Variants in LSM14A observed in about 807,000 individuals in gnomAD.
The protein encoded by LSM14A is LSM14A mRNA processing body assembly factor, also known as protein LSM14 homolog A.
A neutral mutation model predicts 52.4 loss-of-function variants in LSM14A; 14 were observed. The observed-to-expected ratio is 0.27, with a 90% CI of 0.18 to 0.42. The LOEUF (loss-of-function observed/expected upper bound fraction) is 0.42. Ranked by LOEUF, LSM14A falls within the 10% of genes least tolerant of loss-of-function variation. LSM14A has a pLI of 1.00. For synonymous variants in LSM14A, 185 were observed against 200.3 expected (o/e 0.92, Z 0.64); for missense variants, 417 against 581.8 (o/e 0.72, Z 2.91).
intron 3 of LSM14A, among the ~76,000 whole-genome samples, chr19:34,200,995 A>ATATAG (rs1411308254): frequency 2.6e-5 from 4 of 152,356 alleles, no homozygotes; most frequent in African/African-American, 9.6e-5. Context: ...CGTAGTATCT[A>ATATAG]TATAGTAACT....
chr19:34,172,587 A>G lies in LSM14A; in HGVS notation c.-56A>G. ...AGCGAGCGGGCGTGCGGAGCGGGCG[A>G]CAGTGGCGTGGGATCTGCCTCTCTG... On this transcript the variant is annotated 5_prime_UTR_variant, in exon 1 of 10. Transcript: ENST00000544216. 1.3e-6 allele frequency: 2 copies of G among 1,495,980 alleles called. No individual in the cohort carries two copies. The highest frequency in any genetic ancestry group is 2.5e-5 in the South Asian group (2 of 78,570). 92.7% of individuals were successfully genotyped at this position (1,495,980 alleles called of 1,614,324 possible).
At position 34,198,611 on chromosome 19, in the gene LSM14A, C is replaced by T. The variant is rs115183500; in HGVS notation, c.415+1848C>T. 6.0e-3 allele frequency among the ~76,000 whole-genome samples: 913 copies of T among 151,882 alleles called. 15 individuals carry two copies. The highest frequency in any genetic ancestry group is 0.021 in the African/African-American group (873 of 41,446). On this transcript the variant is annotated intron_variant, in intron 3 of 9. Transcript: ENST00000544216. Reference sequence around the variant, plus strand: ...AGTCTAGGCCACAACAGCAAAACTCCGTCTAAAAATAAATAAATAAATAAA... The same window carrying T: ...AGTCTAGGCCACAACAGCAAAACTCTGTCTAAAAATAAATAAATAAATAAA...
At chr19:34,178,384 A>G (rs1366343743) in intron 1 of LSM14A, among the ~76,000 whole-genome samples, 1 of 152,194 alleles carries the variant, frequency 6.6e-6, no homozygotes, top group African/African-American at 2.4e-5. Flanking sequence ...ACCTAAGCAT[A>G]TGTCAAGAAG....
intron 1 of LSM14A, among the ~76,000 whole-genome samples, chr19:34,176,097 A>C (rs1048850463): frequency 1.3e-5 from 2 of 151,992 alleles, no homozygotes; most frequent in Non-Finnish European, 2.9e-5. Flanking sequence ...TGATCCACCC[A>C]CCTTGGCCTC....
intron 1 of LSM14A, among the ~76,000 whole-genome samples, chr19:34,184,598 T>C (rs2069748884): frequency 6.6e-6 from 1 of 152,172 alleles, no homozygotes; most frequent in Non-Finnish European, 1.5e-5. Context: ...AGAGGGTTCA[T>C]AGATGTCTTT....
Position 34,215,583 on chromosome 19 carries a change from T to C in LSM14A, c.716-13T>C. ...CTGAGTTGATTTGGCACTTTGCATG[T>C]CTTCTTCTGTAGCTGAAGTACACAA... On this transcript the variant is annotated splice_polypyrimidine_tract_variant and intron_variant, in intron 5 of 9. Coordinates refer to ENST00000544216, the MANE Select transcript of LSM14A (RefSeq NM_015578.4). 6.2e-7 allele frequency: 1 copy of C among 1,606,654 alleles called. No homozygotes were observed. The highest frequency in any genetic ancestry group is 8.5e-7 in the Non-Finnish European group (1 of 1,173,628).
chr19:34,212,132 T>C (rs2072209085), intron 4 of LSM14A, among the ~76,000 whole-genome samples: 1 of 152,128 alleles, frequency 6.6e-6, no homozygotes, highest in South Asian at 2.1e-4. Context: ...AGCCAGGGAT[T>C]TGAGACTAGC....
rs531343486 is a variant in LSM14A at position 34,197,431 on chromosome 19, C to CT, written c.415+691dup. Among the ~76,000 whole-genome samples, 490 of 63,280 alleles carry CT rather than the reference C, an allele frequency of 7.7e-3. 14 individuals are homozygous for CT. The highest frequency in any genetic ancestry group is 0.032 in the Admixed American group (140 of 4,336). The allele number at this position is 63,280 out of a possible 152,430, so 41.5% of individuals were successfully genotyped here. Reference sequence around the variant, plus strand: ...AAATTTTTCTTTTTAATTTCTTTTTCTTTTTTTTTTTTTTTTTTTTTTTCT... The same window carrying CT: ...AAATTTTTCTTTTTAATTTCTTTTTCTTTTTTTTTTTTTTTTTTTTTTTTCT... On this transcript the variant is annotated intron_variant, in intron 3 of 9. Coordinates refer to ENST00000544216, the MANE Select transcript of LSM14A (RefSeq NM_015578.4).
intron 1 of LSM14A, among the ~76,000 whole-genome samples, chr19:34,177,552 T>G (rs2069167696): frequency 6.6e-6 from 1 of 152,210 alleles, no homozygotes; most frequent in South Asian, 2.1e-4. Context: ...TAGTTTGCCC[T>G]GGTGGAAAGT....
intron 1 of LSM14A, among the ~76,000 whole-genome samples, chr19:34,187,554 C>T (rs770377124): frequency 3.9e-5 from 6 of 152,044 alleles, no homozygotes; most frequent in Non-Finnish European, 7.4e-5. Flanking sequence ...CCTCCCAAAG[C>T]GCTGAGACTA....
intron 1 of LSM14A, among the ~76,000 whole-genome samples, chr19:34,192,319 G>GTTGTTGTTTT (rs60512063): frequency 7.1e-4 from 38 of 53,404 alleles, no homozygotes; most frequent in African/African-American, 2.4e-3. Context: ...TCTTTTTGTT[G>GTTGTTGTTTT]TTTTTTTTTT....
At chr19:34,208,003 T>C (rs1051968270) in intron 3 of LSM14A, among the ~76,000 whole-genome samples, 2 of 152,140 alleles carry the variant, frequency 1.3e-5, no homozygotes, top group Non-Finnish European at 2.9e-5. Context: ...AATCTTCATG[T>C]GTTTTAGGAG....
At chr19:34,177,604 C>T (rs1026770348) in intron 1 of LSM14A, among the ~76,000 whole-genome samples, 2 of 152,110 alleles carry the variant, frequency 1.3e-5, no homozygotes, top group East Asian at 1.9e-4. Flanking sequence ...AAAAACATCC[C>T]GGCTGGGCAG....
At chr19:34,178,934 A>T (rs1467025236) in intron 1 of LSM14A, among the ~76,000 whole-genome samples, 1 of 152,210 alleles carries the variant, frequency 6.6e-6, no homozygotes, top group Non-Finnish European at 1.5e-5. Context: ...AGGGTGTAGG[A>T]AGAAATTACA....
rs554200607 is a variant in LSM14A at position 34,210,995 on chromosome 19, T to C, written c.538+1944T>C. On this transcript the variant is annotated intron_variant, in intron 4 of 9. Coordinates refer to ENST00000544216, the MANE Select transcript of LSM14A (RefSeq NM_015578.4). ...AAATTAGGCACAGGCAAAATGTAAA[T>C]TAAATATACAAAAGTCAATAGTTCT... Among the ~76,000 whole-genome samples the C allele has an allele frequency of 1.3e-4, 20 of 152,000 alleles. No individual in the cohort carries two copies. The East Asian group carries it at 3.7e-3, about 28-fold the overall frequency.
At chr19:34,225,870 TGGGCAACATAA>T (rs2073311983) in intron 9 of LSM14A, among the ~76,000 whole-genome samples, 1 of 152,108 alleles carries the variant, frequency 6.6e-6, no homozygotes, top group Admixed American at 6.5e-5. Context: ...AAGGACAGCA[TGGGCAACATAA>T]GGAGTCCCTA....
chr19:34,221,541 T>C lies in LSM14A; in HGVS notation c.1171T>C (p.Leu391=). Residue 391 remains leucine, a synonymous_variant, in exon 9 of 10, where the codon TTA becomes CTA. Coordinates refer to ENST00000544216, the MANE Select transcript of LSM14A (RefSeq NM_015578.4). ...RRPTWAEERR[L]NAETFGIPLR... ...ACCAACCTGGGCTGAAGAAAGAAGA[T>C]TAAATGCTGAAACATTTGGAATCCC... 6.2e-7 allele frequency: 1 copy of C among 1,614,084 alleles called. No individual in the cohort carries two copies. The highest frequency in any genetic ancestry group is 1.3e-5 in the African/African-American group (1 of 75,056).
At chr19:34,195,396 T>TC (rs2145651597) in intron 2 of LSM14A, 1 of 152,328 alleles carries the variant, frequency 6.6e-6, no homozygotes, top group South Asian at 2.1e-4. Context: ...CAGCCTGGTC[T>TC]CAAACTACTG....
intron 6 of LSM14A, among the ~76,000 whole-genome samples, chr19:34,217,213 G>A (rs1317800665): frequency 6.9e-6 from 1 of 144,988 alleles, no homozygotes; most frequent in Non-Finnish European, 1.5e-5. Flanking sequence ...AGCCAAGATC[G>A]TACCACTGCA....
Sources: gnomAD v4.1 joint callset for allele counts (sites outside exome capture counted in the v4.1 genomes callset) on GRCh38, gnomAD v4.1.1 for gene constraint, MANE v1.5 for transcripts, NCBI Gene and HGNC (gene_info 2026-07-23, HGNC 2026-07-21) for gene names.